Variants in SNAP91 observed in about 807,000 individuals in gnomAD.
The protein encoded by SNAP91 is clathrin coat assembly protein AP180.
Under a neutral mutation model 100.3 loss-of-function variants are expected in SNAP91, and 27 were observed. The observed-to-expected ratio is 0.27, with a 90% CI of 0.20 to 0.37. The LOEUF (loss-of-function observed/expected upper bound fraction) is 0.37, where lower values mean the gene tolerates loss of function less well. Among genes scored for constraint, SNAP91 ranks in the 10% least tolerant of loss-of-function variants. The pLI is 1.00. For missense variants in SNAP91, 986 were observed against 1,123.7 expected, an observed-to-expected ratio of 0.88 and a Z score of 1.75; for synonymous variants, 404 against 398.6, an observed-to-expected ratio of 1.01 and a Z score of -0.16.
chr6:83,615,712 A>T (rs1306858215), intron 10 of SNAP91, among the ~76,000 whole-genome samples: 1 of 152,212 alleles, frequency 6.6e-6, no homozygotes, highest in African/African-American at 2.4e-5. Context: ...TATCACTGCA[A>T]ATTTAAAACA....
rs370423812 is a variant in SNAP91 at position 83,682,091 on chromosome 6, CT to C, written c.131-16511del. On this transcript the variant is annotated intron_variant, in intron 2 of 29. Transcript: ENST00000369694. Reference sequence around the variant, plus strand: ...CTGGAGAAAAAAAGAGTCCTTCCTCCTTCCTAAGGCCACACCATATTCTGGG... The same window carrying C: ...CTGGAGAAAAAAAGAGTCCTTCCTCCTCCTAAGGCCACACCATATTCTGGG... Among the ~76,000 whole-genome samples the C allele has an allele frequency of 1.8e-3, 274 of 152,058 alleles. 1 individual carries two copies. Among genetic ancestry groups the C allele is most frequent in the African/African-American group, 6.5e-3 (268 of 41,474 alleles).
rs545474415 is a variant in SNAP91 at position 83,553,085 on chromosome 6, T to C, written c.*1211A>G. The stretch of plus-strand genomic sequence containing the variant: ...TACATCTATTAAATAATTTGAAAAA[T>C]AGGCAAACACCTTTCCAACCCAATA... On this transcript the variant is annotated 3_prime_UTR_variant, in exon 30 of 30. Transcript: ENST00000369694. The C allele has an allele frequency of 5.9e-5, 9 of 152,634 alleles. No individual in the cohort carries two copies. The South Asian group carries it at 8.3e-4, about 14-fold the overall frequency. 9.5% of individuals were successfully genotyped at this position (152,634 alleles called of 1,614,324 possible).
At chr6:83,572,299 T>C (rs1295710895) in intron 26 of SNAP91, among the ~76,000 whole-genome samples, 14 of 151,954 alleles carry the variant, frequency 9.2e-5, no homozygotes, top group Admixed American at 7.2e-4. Context: ...ACGGCTGGAG[T>C]GTAGTAGCAC....
At chr6:83,697,357 CACACACACAAT>C (rs2099231216) in intron 2 of SNAP91, among the ~76,000 whole-genome samples, 1 of 150,378 alleles carries the variant, frequency 6.6e-6, no homozygotes, top group African/African-American at 2.5e-5. Flanking sequence ...CACACACACA[CACACACACAAT>C]GCCGGCAAAG....
chr6:83,570,220 T>A (rs1302483291), intron 26 of SNAP91, among the ~76,000 whole-genome samples: 1 of 152,128 alleles, frequency 6.6e-6, no homozygotes, highest in Admixed American at 6.6e-5. Context: ...CCCCAGAGAT[T>A]TGTGGAACTT....
intron 22 of SNAP91, among the ~76,000 whole-genome samples, chr6:83,585,286 A>G (rs1013149108): frequency 2.6e-5 from 4 of 152,190 alleles, no homozygotes; most frequent in African/African-American, 9.6e-5. Flanking sequence ...TGGCAGAAGG[A>G]TCACTTGAAG....
At chr6:83,704,183 T>C (rs754575895) in intron 2 of SNAP91, among the ~76,000 whole-genome samples, 7 of 152,144 alleles carry the variant, frequency 4.6e-5, no homozygotes, top group Non-Finnish European at 1.0e-4. Flanking sequence ...TAAATACTCA[T>C]TGAGTCCTGG....
intron 8 of SNAP91, among the ~76,000 whole-genome samples, chr6:83,637,753 A>T (rs1180570079): frequency 6.6e-6 from 1 of 152,226 alleles, no homozygotes; most frequent in East Asian, 1.9e-4. Flanking sequence ...GCACCAGCAT[A>T]AGAACCTAAG....
intron 3 of SNAP91, 144 bp downstream of exon 3, chr6:83,665,295 C>T (rs2098659329): frequency 1.3e-6 from 1 of 773,180 alleles, no homozygotes; most frequent in Non-Finnish European, 2.0e-6. Flanking sequence ...GAAGATTAAA[C>T]TTGTATTCTA....
intron 18 of SNAP91, 38 bp from the exon 19 acceptor site, chr6:83,593,297 A>T (rs753356649): frequency 6.4e-7 from 1 of 1,557,194 alleles, no homozygotes; most frequent in Non-Finnish European, 8.7e-7. Flanking sequence ...CTCAACTTGA[A>T]CAATAAGCCT....
At chr6:83,682,403 C>T (rs927192918) in intron 2 of SNAP91, among the ~76,000 whole-genome samples, 5 of 151,512 alleles carry the variant, frequency 3.3e-5, no homozygotes, top group African/African-American at 7.3e-5. Context: ...GATGGAGTTT[C>T]GCCATGTTGC....
Position 83,593,629 on chromosome 6 carries a change from G to C in SNAP91, c.1545C>G (p.Ala515=). Residue 515 remains alanine, a synonymous_variant, in exon 18 of 30, where the codon GCC becomes GCG. Transcript: ENST00000369694. The part of the protein sequence containing the change: ...VPVVTPTAST[A]PPVPATAPSP... ...AAGGAGCAGTTGCGGGAACTGGAGG[G>C]GCTGTGCTAGCTGTAGGGGTAACTA... 1.2e-6 allele frequency: 2 copies of C among 1,611,648 alleles called. No individual in the cohort carries two copies. The highest frequency in any genetic ancestry group is 1.7e-6 in the Non-Finnish European group (2 of 1,178,784).
intron 3 of SNAP91, 59 bp from the exon 4 acceptor site, chr6:83,662,481 C>T (rs2098559647): frequency 1.5e-6 from 1 of 681,028 alleles, no homozygotes; most frequent in African/African-American, 1.9e-5. Flanking sequence ...TAAACAATTT[C>T]TGACACTAAA....
At chr6:83,598,503 G>C (rs1299510646) in intron 16 of SNAP91, among the ~76,000 whole-genome samples, 1 of 151,906 alleles carries the variant, frequency 6.6e-6, no homozygotes, top group East Asian at 1.9e-4. Flanking sequence ...TATTTGATAG[G>C]GATGAAATTA....
intron 16 of SNAP91, 147 bp from the exon 17 acceptor site, chr6:83,594,628 T>C: frequency 1.8e-6 from 1 of 546,744 alleles, no homozygotes; most frequent in East Asian, 3.1e-5. Flanking sequence ...GCGCTGTCGG[T>C]GGTCACAAAA....
intron 2 of SNAP91, among the ~76,000 whole-genome samples, chr6:83,693,769 T>C (rs2099160584): frequency 6.6e-6 from 1 of 152,230 alleles, no homozygotes; most frequent in African/African-American, 2.4e-5. Context: ...TACTAGCTTA[T>C]AAAGATAAGG....
chr6:83,568,183 A>T (rs1234331916), intron 26 of SNAP91, among the ~76,000 whole-genome samples: 3 of 152,212 alleles, frequency 2.0e-5, no homozygotes, highest in African/African-American at 7.2e-5. Context: ...GGATGAGTTC[A>T]CGTCTTTTGT....
chr6:83,652,359 A>G (rs1456165927), intron 7 of SNAP91, among the ~76,000 whole-genome samples: 2 of 152,042 alleles, frequency 1.3e-5, no homozygotes, highest in Non-Finnish European at 2.9e-5. Flanking sequence ...TTCTTAGCAT[A>G]TCAATTACAC....
intron 9 of SNAP91, among the ~76,000 whole-genome samples, chr6:83,618,338 C>T (rs1457556332): frequency 6.6e-6 from 1 of 150,760 alleles, no homozygotes; most frequent in Non-Finnish European, 1.5e-5. Flanking sequence ...AAGGAACAGC[C>T]CTGTCGGCAT....
Sources: gnomAD v4.1 joint callset for allele counts (sites outside exome capture counted in the v4.1 genomes callset) on GRCh38, gnomAD v4.1.1 for gene constraint, MANE v1.5 for transcripts, NCBI Gene and HGNC (gene_info 2026-07-23, HGNC 2026-07-21) for gene names.